Variants in ZFPM2 observed in about 807,000 individuals in gnomAD.
The protein encoded by ZFPM2 is zinc finger protein ZFPM2.
A neutral mutation model predicts 98.6 loss-of-function variants in ZFPM2; 20 were observed. That is an observed-to-expected ratio of 0.20 (90% CI 0.14 to 0.29). The LOEUF is 0.29. Among genes scored for constraint, ZFPM2 ranks in the 10% least tolerant of loss-of-function variants. The probability of loss-of-function intolerance (pLI) is 1.00; values close to 1 mark genes in which losing one functional copy is unlikely to be tolerated. For synonymous variants in ZFPM2, 518 were observed against 502.7 expected, an observed-to-expected ratio of 1.03 and a Z score of -0.41; for missense variants, 1,310 against 1,388.6, an observed-to-expected ratio of 0.94 and a Z score of 0.90.
Position 105,634,140 on chromosome 8 carries a change from T to C in ZFPM2, c.421-106T>C. 5 of 816,274 alleles carry C rather than the reference T, an allele frequency of 6.1e-6. No individual in the cohort carries two copies. The South Asian group carries it at 9.1e-5, about 15-fold the overall frequency. The allele number at this position is 816,274 out of a possible 1,614,324, so 50.6% of individuals were successfully genotyped here. On this transcript the variant is annotated intron_variant, in intron 4 of 7. Transcript: ENST00000407775. Reference sequence around the variant, plus strand: ...GGGAATAAGGACTTGGATTATGGTTTGGGAGATTTAGTTGTTTGTAAAAAT... The same window carrying C: ...GGGAATAAGGACTTGGATTATGGTTCGGGAGATTTAGTTGTTTGTAAAAAT...
chr8:105,499,307 C>T (rs1813540097), intron 3 of ZFPM2, among the ~76,000 whole-genome samples: 1 of 150,726 alleles, frequency 6.6e-6, no homozygotes, highest in South Asian at 2.1e-4. Flanking sequence ...CTGATAGTCA[C>T]ATTCTAAGAA....
chr8:105,761,789 A>T (rs1563552859), intron 5 of ZFPM2, among the ~76,000 whole-genome samples: 1 of 152,016 alleles, frequency 6.6e-6, no homozygotes, highest in African/African-American at 2.4e-5. Context: ...TAACAGTATA[A>T]CATTTTGTAA....
chr8:105,386,636 T>C (rs980615712), intron 1 of ZFPM2, among the ~76,000 whole-genome samples: 26 of 152,162 alleles, frequency 1.7e-4, no homozygotes, highest in African/African-American at 4.8e-4. Flanking sequence ...CAAGATTTAT[T>C]GCACAGAGCG....
At chr8:105,424,364 T>C (rs935116980) in intron 2 of ZFPM2, among the ~76,000 whole-genome samples, 6 of 152,104 alleles carry the variant, frequency 3.9e-5, no homozygotes, top group African/African-American at 1.4e-4. Flanking sequence ...ATATGAAGAA[T>C]GGTCAGAGAC....
At chr8:105,328,167 A>G (rs1342557835) in intron 1 of ZFPM2, among the ~76,000 whole-genome samples, 1 of 151,846 alleles carries the variant, frequency 6.6e-6, no homozygotes, top group East Asian at 1.9e-4. Context: ...TTATTTGGAT[A>G]AATTCTGTGA....
chr8:105,409,146 G>A (rs1294120660), intron 1 of ZFPM2, among the ~76,000 whole-genome samples: 1 of 151,834 alleles, frequency 6.6e-6, no homozygotes, highest in Non-Finnish European at 1.5e-5. Flanking sequence ...CTCAGGAAAT[G>A]TTAGGCCCTC....
At position 105,801,257 on chromosome 8, in the gene ZFPM2, C is replaced by T. The variant is rs1813996660; in HGVS notation, c.1175C>T (p.Pro392Leu). Reference protein sequence around the residue: ...QELHVPSGKLPRESDMEHSPS... With the variant: ...QELHVPSGKLLRESDMEHSPS... Reference sequence around the variant, plus strand: ...CTCCATGTCCCTAGCGGCAAACTTCCCAGAGAAAGTGACATGGAACACTCT... The same window carrying T: ...CTCCATGTCCCTAGCGGCAAACTTCTCAGAGAAAGTGACATGGAACACTCT... The change falls in exon 8 of 8, where the codon CCC becomes CTC. Residue 392 changes from proline (P) to leucine (L), a missense_variant. Coordinates refer to ENST00000407775, the MANE Select transcript of ZFPM2 (RefSeq NM_012082.4). 1 of 1,613,900 alleles carries T rather than the reference C, an allele frequency of 6.2e-7. No individual in the cohort carries two copies. The highest frequency in any genetic ancestry group is 2.2e-5 in the East Asian group (1 of 44,862).
Position 105,788,771 on chromosome 8 carries a change from A to G in ZFPM2, c.586A>G (p.Ile196Val), listed in dbSNP as rs1813499525. 1 of 1,613,984 alleles carries G rather than the reference A, an allele frequency of 6.2e-7. No individual in the cohort carries two copies. Among genetic ancestry groups the G allele is most frequent in the Non-Finnish European group, 8.5e-7 (1 of 1,179,874 alleles). ...TKAISEGEEL[I>V]AFVVDFDSRL... is the part of the protein sequence containing the mutation. ...GGCCATCTCTGAGGGTGAAGAGCTA[A>G]TTGCCTTTGTGGTGGATTTTGACTC... Residue 196 changes from isoleucine (I) to valine (V), a missense_variant, in exon 6 of 8, where the codon ATT (isoleucine) becomes GTT (valine). Transcript: ENST00000407775.
At chr8:105,754,346 G>T in intron 5 of ZFPM2, among the ~76,000 whole-genome samples, 1 of 152,232 alleles carries the variant, frequency 6.6e-6, no homozygotes, top group African/African-American at 2.4e-5. Context: ...GTTTTACAAA[G>T]AATTTTTTAT....
chr8:105,599,624 G>A (rs189389796), intron 4 of ZFPM2, among the ~76,000 whole-genome samples: 6 of 151,974 alleles, frequency 3.9e-5, no homozygotes, highest in African/African-American at 9.7e-5. Flanking sequence ...AATTTATTGC[G>A]GCAATGGCAG....
intron 1 of ZFPM2, among the ~76,000 whole-genome samples, chr8:105,394,716 A>C (rs549337140): frequency 1.3e-5 from 2 of 152,338 alleles, no homozygotes; most frequent in Admixed American, 1.3e-4. Context: ...TTAGCTTGGC[A>C]CAGCTCCTTG....
chr8:105,445,201 G>A (rs747464722), intron 3 of ZFPM2, among the ~76,000 whole-genome samples: 2 of 152,086 alleles, frequency 1.3e-5, no homozygotes, highest in Non-Finnish European at 2.9e-5. Flanking sequence ...TCTGCTGTAC[G>A]TGAAGAAGAG....
chr8:105,508,535 T>A (rs1471378225), intron 3 of ZFPM2, among the ~76,000 whole-genome samples: 3 of 152,140 alleles, frequency 2.0e-5, no homozygotes, highest in Admixed American at 2.0e-4. Context: ...GGAAGTTAGT[T>A]AGAGACGTCT....
intron 1 of ZFPM2, among the ~76,000 whole-genome samples, chr8:105,357,960 T>G (rs567796291): frequency 1.2e-4 from 18 of 152,320 alleles, no homozygotes; most frequent in Non-Finnish European, 1.9e-4. Flanking sequence ...AAGGTCCAAG[T>G]TAAAAGCAAA....
chr8:105,655,343 T>C, intron 5 of ZFPM2, among the ~76,000 whole-genome samples: 1 of 150,012 alleles, frequency 6.7e-6, no homozygotes, highest in Non-Finnish European at 1.5e-5. Context: ...GCGATTCTCC[T>C]GCCTCAGCCA....
At chr8:105,559,608 A>G (rs1271032065) in intron 3 of ZFPM2, among the ~76,000 whole-genome samples, 1 of 152,182 alleles carries the variant, frequency 6.6e-6, no homozygotes, top group East Asian at 1.9e-4. Context: ...CATGGACACA[A>G]TTTAACCACT....
chr8:105,480,794 A>G (rs1296920615), intron 3 of ZFPM2, among the ~76,000 whole-genome samples: 1 of 146,964 alleles, frequency 6.8e-6, no homozygotes, highest in South Asian at 2.1e-4. Flanking sequence ...TCTGCCTCCC[A>G]GTCTGGAGTA....
At chr8:105,448,774 A>G (rs1283653830) in intron 3 of ZFPM2, among the ~76,000 whole-genome samples, 2 of 152,068 alleles carry the variant, frequency 1.3e-5, no homozygotes, top group Non-Finnish European at 2.9e-5. Flanking sequence ...GAAAGAGATG[A>G]TATTTACAAA....
chr8:105,425,567 A>G (rs893369965), intron 2 of ZFPM2, among the ~76,000 whole-genome samples: 2 of 152,200 alleles, frequency 1.3e-5, no homozygotes, highest in African/African-American at 4.8e-5. Context: ...AAGTAGAACC[A>G]GTTTCATCAT....
Sources: allele counts gnomAD v4.1 joint callset (sites outside exome capture counted in the v4.1 genomes callset), GRCh38; gene constraint gnomAD v4.1.1; transcripts MANE v1.5; gene names NCBI Gene and HGNC (gene_info 2026-07-23, HGNC 2026-07-21).